The following MYO3B variants were observed in gnomAD, a reference collection of about 807,000 sequenced individuals.
MYO3B encodes the protein myosin IIIB.
In MYO3B, 156 loss-of-function variants were observed where a neutral mutation model predicts 174.6. The ratio of observed to expected loss-of-function variants is 0.89; its 90% confidence interval spans 0.78 to 1.02. The LOEUF (loss-of-function observed/expected upper bound fraction) is 1.02. MYO3B is among the 50% of genes least tolerant of loss of function. MYO3B has a pLI of 0.00. For missense variants in MYO3B, 1,632 were observed against 1,639.4 expected, an observed-to-expected ratio of 1.00 and a Z score of 0.08; for synonymous variants, 563 against 569.1, an observed-to-expected ratio of 0.99 and a Z score of 0.15.
chr2:170,385,114 G>C (rs1314060103), intron 12 of MYO3B, among the ~76,000 whole-genome samples: 1 of 152,098 alleles, frequency 6.6e-6, no homozygotes, highest in South Asian at 2.1e-4. Context: ...CAGGGTGTAT[G>C]GGGGGAGGAA....
At chr2:170,237,100 GC>G (rs2093078669) in intron 7 of MYO3B, among the ~76,000 whole-genome samples, 1 of 152,194 alleles carries the variant, frequency 6.6e-6, no homozygotes, top group Non-Finnish European at 1.5e-5. Context: ...TCCCACCCAA[GC>G]CAGAGTTAGT....
chr2:170,373,974 GA>G (rs1280863711), intron 9 of MYO3B, among the ~76,000 whole-genome samples: 6 of 152,114 alleles, frequency 3.9e-5, no homozygotes, highest in Admixed American at 3.3e-4. Context: ...TAATAGCATA[GA>G]AAACCCAGGT....
intron 22 of MYO3B, among the ~76,000 whole-genome samples, chr2:170,436,888 G>A (rs987815782): frequency 6.6e-6 from 1 of 152,130 alleles, no homozygotes; most frequent in Non-Finnish European, 1.5e-5. Flanking sequence ...GATTTGGTGC[G>A]ATTTCCTGGT....
intron 22 of MYO3B, among the ~76,000 whole-genome samples, chr2:170,434,830 T>G (rs1039214191): frequency 6.6e-6 from 1 of 152,264 alleles, no homozygotes; most frequent in Non-Finnish European, 1.5e-5. Flanking sequence ...AGTTAATTTT[T>G]AAAACTTTTT....
intron 1 of MYO3B, among the ~76,000 whole-genome samples, chr2:170,189,656 T>G (rs1225825009): frequency 6.6e-6 from 1 of 152,090 alleles, no homozygotes; most frequent in African/African-American, 2.4e-5. Context: ...AATTTTTCCA[T>G]GCCAGAATGT....
chr2:170,403,243 T>C (rs1215221410), intron 19 of MYO3B, among the ~76,000 whole-genome samples: 1 of 150,888 alleles, frequency 6.6e-6, no homozygotes, highest in Non-Finnish European at 1.5e-5. Context: ...CAAAACTCTT[T>C]CGTGCATATT....
intron 5 of MYO3B, among the ~76,000 whole-genome samples, chr2:170,215,298 C>A (rs1319540814): frequency 6.6e-6 from 1 of 152,160 alleles, no homozygotes; most frequent in Non-Finnish European, 1.5e-5. Context: ...GTGTTTACTG[C>A]TGCTACATGT....
chr2:170,594,713 A>C (rs1184915924), intron 32 of MYO3B, among the ~76,000 whole-genome samples: 2 of 151,942 alleles, frequency 1.3e-5, no homozygotes, highest in Non-Finnish European at 2.9e-5. Context: ...TTTGTGTGCA[A>C]ATCCCAATCC....
In MYO3B at chr2:170,524,667, G is replaced by T. The variant is rs191740255; in HGVS notation, c.3575+5127G>T. 835 of 332,956 alleles carry T rather than the reference G, an allele frequency of 2.5e-3. 5 individuals are homozygous for T. Among genetic ancestry groups the T allele is most frequent in the African/African-American group, 0.016 (733 of 44,902 alleles). The allele number at this position is 332,956 out of a possible 1,614,324, so 20.6% of individuals were successfully genotyped here. A position where few individuals can be genotyped will look rare whatever the true frequency, so the allele number is the denominator to read the frequency against. On this transcript the variant is annotated intron_variant, in intron 30 of 34. Coordinates refer to ENST00000408978, the MANE Select transcript of MYO3B (RefSeq NM_138995.5). ...CCTGGCTAATTTTTGTGTTTTTAGT[G>T]GAGATGGGGTTTTACCATGTTGGTC... is the stretch of plus-strand genomic sequence containing the variant.
intron 32 of MYO3B, among the ~76,000 whole-genome samples, chr2:170,628,798 T>G (rs1274148875): frequency 2.6e-5 from 4 of 152,188 alleles, no homozygotes; most frequent in African/African-American, 9.7e-5. Flanking sequence ...TTTGTGAAGC[T>G]TTAGTATAGG....
intron 22 of MYO3B, among the ~76,000 whole-genome samples, chr2:170,414,092 A>C (rs2094563058): frequency 6.6e-6 from 1 of 152,162 alleles, no homozygotes; most frequent in Admixed American, 6.5e-5. Context: ...TTGCTTTTGC[A>C]CCATTGTCAA....
intron 22 of MYO3B, among the ~76,000 whole-genome samples, chr2:170,424,721 T>G (rs989015303): frequency 6.6e-6 from 1 of 152,228 alleles, no homozygotes; most frequent in Non-Finnish European, 1.5e-5. Context: ...CATCTTCCCC[T>G]AACACATTTT....
intron 32 of MYO3B, among the ~76,000 whole-genome samples, chr2:170,570,346 T>C (rs757242460): frequency 6.6e-6 from 1 of 152,230 alleles, no homozygotes; most frequent in Non-Finnish European, 1.5e-5. Context: ...ATCTTCCTTT[T>C]TATTTAGCTG....
intron 25 of MYO3B, among the ~76,000 whole-genome samples, chr2:170,472,782 A>G (rs1174050717): frequency 6.6e-6 from 1 of 151,548 alleles, no homozygotes; most frequent in African/African-American, 2.4e-5. Context: ...GCTCACTGCA[A>G]CCTCTACCCG....
chr2:170,511,324 C>T (rs1033889646), intron 28 of MYO3B, among the ~76,000 whole-genome samples: 1 of 152,002 alleles, frequency 6.6e-6, no homozygotes, highest in Non-Finnish European at 1.5e-5. Flanking sequence ...CCTCGGCTTC[C>T]CAAAGTGCTA....
rs1195242208 is a variant in MYO3B, at chr2:170,597,770, C to A, written c.3733+53782C>A. On this transcript the variant is annotated intron_variant, in intron 32 of 34. Coordinates refer to ENST00000408978, the MANE Select transcript of MYO3B (RefSeq NM_138995.5). ...GATATAATAATATCTATTATTAGTG[C>A]CTCTGTTGCCAACATTTTTGGCTCT... Among the ~76,000 whole-genome samples the A allele has an allele frequency of 3.9e-5, 6 of 152,118 alleles. No individual in the cohort carries two copies. The East Asian group carries it at 1.2e-3, about 29-fold the overall frequency.
chr2:170,609,111 T>G (rs1694988333), intron 32 of MYO3B, among the ~76,000 whole-genome samples: 1 of 152,240 alleles, frequency 6.6e-6, no homozygotes, highest in African/African-American at 2.4e-5. Flanking sequence ...TTCATGTTTC[T>G]TCTGATGTAG....
At position 170,267,516 on chromosome 2, in the gene MYO3B, A is replaced by G. The variant is rs186740639; in HGVS notation, c.749+31380A>G. ...ATAAAAATAGAATTATGCTGTATAT[A>G]CAGTTTTGTATCTGTTTTTACCATA... On this transcript the variant is annotated intron_variant, in intron 7 of 34. Transcript: ENST00000408978. 1.4e-3 allele frequency among the ~76,000 whole-genome samples: 208 copies of G among 152,290 alleles called. 1 individual carries two copies. Among genetic ancestry groups the G allele is most frequent in the African/African-American group, 4.9e-3 (205 of 41,566 alleles).
chr2:170,418,810 T>TA (rs5836277), intron 22 of MYO3B, among the ~76,000 whole-genome samples: 7,972 of 146,252 alleles, frequency 0.055, 250 homozygotes, highest in Non-Finnish European at 0.072. Context: ...GCAATTACTT[T>TA]AAAAAAAAAA....
Sources: allele counts gnomAD v4.1 joint callset (sites outside exome capture counted in the v4.1 genomes callset), GRCh38; gene constraint gnomAD v4.1.1; transcripts MANE v1.5; gene names NCBI Gene and HGNC (gene_info 2026-07-23, HGNC 2026-07-21).